The following PDE10A variants were observed in gnomAD, a reference collection of about 807,000 sequenced individuals.
The protein encoded by PDE10A is phosphodiesterase 10A.
Under a neutral mutation model 97.7 loss-of-function variants are expected in PDE10A, and 39 were observed. That is an observed-to-expected ratio of 0.40 (90% CI 0.31 to 0.52). The LOEUF (loss-of-function observed/expected upper bound fraction) is 0.52. Among genes scored for constraint, PDE10A ranks in the 20% least tolerant of loss-of-function variants. The pLI is 0.56. For synonymous variants in PDE10A, 371 were observed against 376.8 expected (o/e 0.98, Z 0.18); for missense variants, 731 against 1,047.8 (o/e 0.70, Z 4.17).
chr6:165,431,234 G>A (rs1009039261), intron 8 of PDE10A, among the ~76,000 whole-genome samples, 188 bp downstream of exon 8: 1 of 150,896 alleles, frequency 6.6e-6, no homozygotes, highest in African/African-American at 2.4e-5. Context: ...CACATATATT[G>A]CAAAATATTT....
chr6:165,604,627 G>A (rs552980791), intron 1 of PDE10A, among the ~76,000 whole-genome samples: 2 of 152,142 alleles, frequency 1.3e-5, no homozygotes, highest in East Asian at 3.9e-4. Flanking sequence ...AGAAATAACC[G>A]GAAACATCCT....
intron 1 of PDE10A, among the ~76,000 whole-genome samples, chr6:165,851,960 A>G (rs1031945060): frequency 2.6e-5 from 4 of 152,238 alleles, no homozygotes; most frequent in Non-Finnish European, 5.9e-5. Flanking sequence ...ATATAGATAT[A>G]TAACAGGAAT....
At chr6:165,617,235 A>T (rs1787766454) in intron 1 of PDE10A, among the ~76,000 whole-genome samples, 1 of 152,118 alleles carries the variant, frequency 6.6e-6, no homozygotes, top group Non-Finnish European at 1.5e-5. Context: ...CAGACAAGTG[A>T]CCCTTGCAAA....
chr6:165,564,949 A>C (rs890507139), intron 1 of PDE10A, among the ~76,000 whole-genome samples: 1 of 152,190 alleles, frequency 6.6e-6, no homozygotes, highest in Non-Finnish European at 1.5e-5. Context: ...AAAAGTTGGC[A>C]GAATGGATTT....
intron 1 of PDE10A, among the ~76,000 whole-genome samples, chr6:165,679,471 C>G (rs530636541): frequency 1.3e-5 from 2 of 152,194 alleles, no homozygotes; most frequent in Non-Finnish European, 2.9e-5. Flanking sequence ...TCTCACCGGC[C>G]GCTACCTCCC....
At chr6:165,664,319 C>G (rs893248914), upstream of PDE10A, among the ~76,000 whole-genome samples, 1 of 152,130 alleles carries the variant, frequency 6.6e-6, no homozygotes, top group Admixed American at 6.5e-5. Flanking sequence ...CTCCAGATTC[C>G]TCACTAGTCG....
At position 165,392,707 on chromosome 6, in the gene PDE10A, G is replaced by A. The variant is rs1477904642; in HGVS notation, c.2393C>T (p.Thr798Ile). The A allele has an allele frequency of 6.2e-7, 1 of 1,613,712 alleles. No individual in the cohort carries two copies. The highest frequency in any genetic ancestry group is 1.3e-5 in the African/African-American group (1 of 74,904). The change falls in exon 16 of 22, where the codon ACT becomes ATT. Residue 798 changes from threonine to isoleucine, a missense_variant. By Grantham distance (89) the Thr-to-Ile change is moderately conservative. Coordinates refer to ENST00000539869, the MANE Select transcript of PDE10A (RefSeq NM_001385079.1). ...TATGGCATACATGCAGTGTGCTACA[G>A]TGACCGCATGCTTCCAGTTGTGATA... ...VPYHNWKHAVTVAHCMYAILQ... is the reference protein window; with the variant it reads ...VPYHNWKHAVIVAHCMYAILQ...
intron 1 of PDE10A, among the ~76,000 whole-genome samples, chr6:165,568,165 A>AT (rs967588431): frequency 3.3e-5 from 5 of 151,606 alleles, no homozygotes; most frequent in East Asian, 1.9e-4. Context: ...CGCCTGGCTA[A>AT]TTTTTTTGTA....
rs997121387 is a variant in PDE10A, at chr6:165,662,774, T to C, written c.38A>G (p.Gln13Arg). Residue 13 changes from glutamine (Q) to arginine (R), a missense_variant, in exon 1 of 22, where the codon CAG becomes CGG. Physicochemically the swap from Gln to Arg is conservative, Grantham distance 43. This residue lies in a region of PDE10A where 181 missense variants were observed against 159.1 expected (regional missense o/e 1.14). Coordinates refer to ENST00000539869, the MANE Select transcript of PDE10A (RefSeq NM_001385079.1). ...GTCCCCGGCCGCTGGCAGGGGACCC[T>C]GGGGGCGGGGAGCAAGAGGCTCCTC... ...SLEEPLAPRP[Q>R]GPLPAAGDEP... Among the ~76,000 whole-genome samples, 3 of 144,434 alleles carry C rather than the reference T, an allele frequency of 2.1e-5. No individual in the cohort carries two copies. Among genetic ancestry groups the C allele is most frequent in the African/African-American group, 7.6e-5 (3 of 39,310 alleles). 94.8% of individuals were successfully genotyped at this position (144,434 alleles called of 152,430 possible).
At chr6:165,631,318 TACA>T (rs1426222149) in intron 1 of PDE10A, among the ~76,000 whole-genome samples, 2 of 152,242 alleles carry the variant, frequency 1.3e-5, no homozygotes, top group African/African-American at 4.8e-5. Context: ...CACGTATGTA[TACA>T]ACAATTGTTA....
At chr6:165,406,986 C>T (rs1397642954) in intron 13 of PDE10A, among the ~76,000 whole-genome samples, 1 of 152,118 alleles carries the variant, frequency 6.6e-6, no homozygotes, top group Non-Finnish European at 1.5e-5. Flanking sequence ...GGTTGTGAGG[C>T]TTTCAGACTT....
intron 2 of PDE10A, among the ~76,000 whole-genome samples, chr6:165,522,507 A>G (rs1208185059): frequency 6.6e-6 from 1 of 152,178 alleles, no homozygotes; most frequent in Non-Finnish European, 1.5e-5. Context: ...CACATAAAAA[A>G]AGGTCTTTTT....
chr6:165,788,271 A>G (rs982656911), intron 1 of PDE10A, among the ~76,000 whole-genome samples: 68 of 152,110 alleles, frequency 4.5e-4, no homozygotes, highest in Admixed American at 4.4e-3. Context: ...TAATCCCAGC[A>G]CTTTGGGAGG....
intron 3 of PDE10A, among the ~76,000 whole-genome samples, chr6:165,452,972 A>G (rs221746): frequency 0.6 from 91,147 of 151,766 alleles, 27,970 homozygotes; most frequent in African/African-American, 0.72. Flanking sequence ...CAATCAGAAT[A>G]CTGATAGAAA....
chr6:165,392,834 G>A (rs1266985187), intron 15 of PDE10A, 38 bp from the exon 16 acceptor site: 1 of 1,596,630 alleles, frequency 6.3e-7, no homozygotes, highest in Non-Finnish European at 8.6e-7. Flanking sequence ...GAAACCAGTA[G>A]AGAATCACTA....
chr6:165,621,894 C>A (rs1014710388), intron 1 of PDE10A, among the ~76,000 whole-genome samples: 1 of 152,206 alleles, frequency 6.6e-6, no homozygotes, highest in African/African-American at 2.4e-5. Flanking sequence ...TATAAGACAG[C>A]TAGGCTGGAC....
At chr6:165,804,076 A>T (rs1450115191) in intron 1 of PDE10A, among the ~76,000 whole-genome samples, 2 of 152,234 alleles carry the variant, frequency 1.3e-5, no homozygotes, top group African/African-American at 2.4e-5. Flanking sequence ...GAACTGATGA[A>T]TGAAAGACGG....
chr6:165,395,395 C>T, intron 14 of PDE10A, 131 bp from the exon 15 acceptor site: 1 of 591,432 alleles, frequency 1.7e-6, no homozygotes, highest in Non-Finnish European at 3.0e-6. Context: ...CTTTTCCTGC[C>T]TTCTTAGCCA....
chr6:165,863,244 C>T (rs1160915031), intron 1 of PDE10A, among the ~76,000 whole-genome samples: 1 of 152,158 alleles, frequency 6.6e-6, no homozygotes, highest in Non-Finnish European at 1.5e-5. Flanking sequence ...ATGCATTTAG[C>T]TTTCATTTCG....
Sources: gnomAD v4.1 joint callset for allele counts (sites outside exome capture counted in the v4.1 genomes callset) on GRCh38, gnomAD v4.1.1 for gene constraint, gnomAD v4.1.1 regional missense constraint, MANE v1.5 for transcripts, NCBI Gene and HGNC (gene_info 2026-07-23, HGNC 2026-07-21) for gene names.